The following MYH8 variants were observed in gnomAD, a reference collection of about 807,000 sequenced individuals.
The protein encoded by MYH8 is myosin-8.
In MYH8, 168 loss-of-function variants were observed where a neutral mutation model predicts 233.2. The observed-to-expected ratio is 0.72, with a 90% CI of 0.64 to 0.82. MYH8 has a LOEUF of 0.82. MYH8 is among the 40% of genes least tolerant of loss of function. The pLI is 0.00. For missense variants in MYH8, 1,995 were observed against 2,327.8 expected (o/e 0.86, Z 2.94); for synonymous variants, 785 against 850.6 (o/e 0.92, Z 1.34).
chr17:10,392,059 G>A (rs576060468), intron 38 of MYH8, 82 bp from the exon 39 acceptor site: 28 of 1,153,428 alleles, frequency 2.4e-5, no homozygotes, highest in South Asian at 2.1e-4. Flanking sequence ...CATTTGGCAT[G>A]ATGGCAGGTG....
intron 5 of MYH8, 145 bp downstream of exon 5, chr17:10,418,500 C>A: frequency 6.9e-7 from 1 of 1,443,048 alleles, no homozygotes; most frequent in Non-Finnish European, 9.6e-7. Flanking sequence ...CATAAGATGT[C>A]ACAGCTGTGA....
rs368764299 is a variant in MYH8 at position 10,401,035 on chromosome 17, A to C, written c.3254+11T>G. On this transcript the variant is annotated intron_variant, in intron 25 of 39. Coordinates refer to ENST00000403437, the MANE Select transcript of MYH8 (RefSeq NM_002472.3). ...ATATCACATAGAAGTTTTTTTCTAAAAGGCTCCTACTTTTCAAGCTTTTCA... is the reference window on the plus strand; with the variant it reads ...ATATCACATAGAAGTTTTTTTCTAACAGGCTCCTACTTTTCAAGCTTTTCA... 5.3e-5 allele frequency: 86 copies of C among 1,614,010 alleles called. No homozygotes were observed. Among genetic ancestry groups the C allele is most frequent in the Admixed American group, 1.2e-4 (7 of 60,006 alleles).
chr17:10,406,091 G>A lies in MYH8; in HGVS notation c.2382C>T (p.Val794=). 6.2e-7 allele frequency: 1 copy of A among 1,614,054 alleles called. No homozygotes were observed. Among genetic ancestry groups the A allele is most frequent in the Middle Eastern group, 1.6e-4 (1 of 6,062 alleles). Reference sequence around the variant, plus strand: ...CTACCCTCATTAGGAATCCCCTACAGACAGCTTGTGTTCTTGTTATAATTT... The same window carrying A: ...CTACCCTCATTAGGAATCCCCTACAAACAGCTTGTGTTCTTGTTATAATTT... ...LAQIITRTQA[V]CRGFLMRVEY... The change falls in exon 21 of 40, where the codon GTC becomes GTT. Residue 794 remains valine (V), a synonymous_variant. Coordinates refer to ENST00000403437, the MANE Select transcript of MYH8 (RefSeq NM_002472.3).
Position 10,393,991 on chromosome 17 carries a change from C to CTTTTTTTTTTTTTTT in MYH8, c.5166+243_5166+257dup, listed in dbSNP as rs35512526. On this transcript the variant is annotated intron_variant, in intron 35 of 39. Coordinates refer to ENST00000403437, the MANE Select transcript of MYH8 (RefSeq NM_002472.3). ...TTATTTTTAAATAAAAAAGTAATAGCTTTTTTTTTTTTTTTTTTTTTTTTT... is the reference window on the plus strand; with the variant it reads ...TTATTTTTAAATAAAAAAGTAATAGCTTTTTTTTTTTTTTTTTTTTTTTTTTTTTTTTTTTTTTTT... 8.3e-5 allele frequency among the ~76,000 whole-genome samples: 3 copies of CTTTTTTTTTTTTTTT among 36,002 alleles called. 1 individual carries two copies. Among genetic ancestry groups the CTTTTTTTTTTTTTTT allele is most frequent in the African/African-American group, 3.7e-4 (3 of 8,014 alleles). The allele number at this position is 36,002 out of a possible 152,430, so 23.6% of individuals were successfully genotyped here.
At chr17:10,392,765 G>A in intron 37 of MYH8, 66 bp downstream of exon 37, 1 of 1,614,080 alleles carries the variant, frequency 6.2e-7, no homozygotes, top group Non-Finnish European at 8.5e-7. Flanking sequence ...TCTTGTGTAG[G>A]AAGAGAGAAG....
chr17:10,401,289 G>A lies in MYH8; in HGVS notation c.3094C>T (p.Gln1032Ter). The A allele has an allele frequency of 2.5e-6, 4 of 1,614,136 alleles. No individual in the cohort carries two copies. Among genetic ancestry groups the A allele is most frequent in the Non-Finnish European group, 3.4e-6 (4 of 1,180,028 alleles). The change falls in exon 24 of 40, where the codon CAG becomes TAG. Residue 1032 changes from glutamine to a stop codon, truncating the protein, a stop_gained. Transcript: ENST00000403437. LOFTEE classifies it high-confidence loss of function. ...AATGTGCTTACATCATCCACTTGCT[G>A]TTCTAGCTTGGTTTTAGCTTTGGTC... is the stretch of plus-strand genomic sequence containing the variant. Reference protein sequence around the residue: ...ILTKAKTKLEQQVDDLEGSLE... With the variant: ...ILTKAKTKLE
At chr17:10,395,005 A>G in intron 34 of MYH8, 128 bp downstream of exon 34, 1 of 1,021,262 alleles carries the variant, frequency 9.8e-7, no homozygotes, top group Non-Finnish European at 1.5e-6. Flanking sequence ...TATTTAATTC[A>G]GTTACCTTTG....
chr17:10,390,452 G>C lies in MYH8; in HGVS notation c.*2C>G. ...CCTCTTGATAGCATCAGGCAGGTGT[G>C]TTTACTCTGCACTGATTTTTGTGTG... On this transcript the variant is annotated 3_prime_UTR_variant, in exon 40 of 40. Coordinates refer to ENST00000403437, the MANE Select transcript of MYH8 (RefSeq NM_002472.3). The C allele has an allele frequency of 6.2e-7, 1 of 1,613,188 alleles. No individual in the cohort carries two copies. The highest frequency in any genetic ancestry group is 2.2e-5 in the East Asian group (1 of 44,894).
rs147654420 is a variant in MYH8 at position 10,394,206 on chromosome 17, C to T, written c.5166+43G>A. On this transcript the variant is annotated intron_variant, in intron 35 of 39. Coordinates refer to ENST00000403437, the MANE Select transcript of MYH8 (RefSeq NM_002472.3). The stretch of plus-strand genomic sequence containing the variant: ...CTTTCATGTTATAATTCGAATGCAT[C>T]AGCTACCAGTACACCAGCATTTGTT... 6.5e-4 allele frequency: 1,053 copies of T among 1,612,082 alleles called. 8 individuals are homozygous for T. In the East Asian group the frequency reaches 7.1e-3, roughly 11 times the overall value.
chr17:10,401,044 A>T lies in MYH8; in HGVS notation c.3254+2T>A. ...AGAAGTTTTTTTCTAAAAGGCTCCT[A>T]CTTTTCAAGCTTTTCATCAAGTTGC... On this transcript the variant is annotated splice_donor_variant, in intron 25 of 39. Coordinates refer to ENST00000403437, the MANE Select transcript of MYH8 (RefSeq NM_002472.3). LOFTEE classifies it high-confidence loss of function. The T allele has an allele frequency of 1.2e-6, 2 of 1,614,140 alleles. No homozygotes were observed. Among genetic ancestry groups the T allele is most frequent in the Admixed American group, 1.7e-5 (1 of 60,024 alleles).
At chr17:10,412,195 G>A (rs113975035) in intron 14 of MYH8, among the ~76,000 whole-genome samples, 175 bp downstream of exon 14, 77 of 152,296 alleles carry the variant, frequency 5.1e-4, no homozygotes, top group African/African-American at 1.7e-3. Context: ...CCCAGTGAGC[G>A]TTAGCTATTA....
Position 10,401,534 on chromosome 17 carries a change from G to A in MYH8, c.2931+9C>T. 1 of 1,614,148 alleles carries A rather than the reference G, an allele frequency of 6.2e-7. No individual in the cohort carries two copies. The highest frequency in any genetic ancestry group is 1.1e-5 in the South Asian group (1 of 91,076). On this transcript the variant is annotated intron_variant, in intron 23 of 39. Transcript: ENST00000403437. ...ACCTCTATACAGTATTGTAAAATAT[G>A]ACTGATACCTTGTTCTCCGTGGCAT...
chr17:10,414,381 C>A lies in MYH8; in HGVS notation c.904+5G>T. The A allele has an allele frequency of 6.2e-7, 1 of 1,606,522 alleles. No individual in the cohort carries two copies. Among genetic ancestry groups the A allele is most frequent in the Non-Finnish European group, 8.5e-7 (1 of 1,173,106 alleles). ...TTCTATCTATGACTTTAAGTTCTTT[C>A]TTACCAATTAGATCTGGCTTCTTAT... On this transcript the variant is annotated splice_donor_5th_base_variant and intron_variant, in intron 10 of 39. Transcript: ENST00000403437.
intron 12 of MYH8, among the ~76,000 whole-genome samples, chr17:10,413,245 A>G (rs1050325762): frequency 6.6e-6 from 1 of 152,232 alleles, no homozygotes; most frequent in Non-Finnish European, 1.5e-5. Context: ...ACGTAAATAA[A>G]TGCCACATGT....
At chr17:10,412,313 C>A in intron 14 of MYH8, 57 bp downstream of exon 14, 1 of 1,613,724 alleles carries the variant, frequency 6.2e-7, no homozygotes, top group Non-Finnish European at 8.5e-7. Context: ...AATGATAATA[C>A]CTAATATATC....
At position 10,417,637 on chromosome 17, in the gene MYH8, A is replaced by AG. The variant is rs2072300572; in HGVS notation, c.511+1007dup. 6.6e-6 allele frequency among the ~76,000 whole-genome samples: 1 copy of AG among 152,156 alleles called. No homozygotes were observed. Among genetic ancestry groups the AG allele is most frequent in the South Asian group, 2.1e-4 (1 of 4,828 alleles). ...CGGGGGGCTTGCTGAGTGGGAGGAC[A>AG]GGGGTGGTGTACATAGCTGTGTAAA... On this transcript the variant is annotated intron_variant, in intron 5 of 39. Coordinates refer to ENST00000403437, the MANE Select transcript of MYH8 (RefSeq NM_002472.3). The surrounding 1 kb of genome is among the most constrained non-coding windows in gnomAD (Gnocchi z 4.1).
chr17:10,413,043 G>A (rs2072258854), intron 12 of MYH8, among the ~76,000 whole-genome samples: 1 of 152,164 alleles, frequency 6.6e-6, no homozygotes, highest in South Asian at 2.1e-4. Context: ...GACACATTAG[G>A]TGTAGTTGGA....
intron 22 of MYH8, among the ~76,000 whole-genome samples, chr17:10,403,017 G>A (rs1404879679): frequency 6.6e-6 from 1 of 151,990 alleles, no homozygotes; most frequent in Admixed American, 6.6e-5. Flanking sequence ...GTTTTTGTTT[G>A]CTTTTGTTTT....
intron 5 of MYH8, 128 bp downstream of exon 5, chr17:10,418,517 T>C (rs1430544730): frequency 6.4e-7 from 1 of 1,559,284 alleles, no homozygotes. Flanking sequence ...GTGAAAGTTT[T>C]TTGAAAACAG....
Sources: gnomAD v4.1 joint callset for allele counts (sites outside exome capture counted in the v4.1 genomes callset) on GRCh38, gnomAD v4.1.1 for gene constraint, Gnocchi (gnomAD v3.1) non-coding constraint, MANE v1.5 for transcripts, NCBI Gene and HGNC (gene_info 2026-07-23, HGNC 2026-07-21) for gene names.